The following CCSER1 variants were observed in gnomAD, a reference collection of about 807,000 sequenced individuals.
CCSER1 encodes the protein coiled-coil serine rich protein 1, also known as serine-rich coiled-coil domain-containing protein 1.
Under a neutral mutation model 82.0 loss-of-function variants are expected in CCSER1, and 41 were observed. The ratio of observed to expected loss-of-function variants is 0.50; its 90% CI spans 0.39 to 0.65. The LOEUF is 0.65. Among genes scored for constraint, CCSER1 ranks in the 30% least tolerant of loss-of-function variants. CCSER1 has a pLI of 0.00. For missense variants in CCSER1, 1,119 were observed against 1,064.2 expected, an observed-to-expected ratio of 1.05 and a Z score of -0.72; for synonymous variants, 414 against 383.9, an observed-to-expected ratio of 1.08 and a Z score of -0.92.
chr4:90,980,836 G>T (rs1169204954), intron 9 of CCSER1, among the ~76,000 whole-genome samples: 1 of 151,680 alleles, frequency 6.6e-6, no homozygotes, highest in Non-Finnish European at 1.5e-5. Flanking sequence ...TTGCCCCCAG[G>T]CTATATTAAG....
chr4:91,543,724 G>T (rs1041209527), intron 10 of CCSER1, among the ~76,000 whole-genome samples: 1 of 152,130 alleles, frequency 6.6e-6, no homozygotes, highest in Non-Finnish European at 1.5e-5. Context: ...CTCTCTGGCT[G>T]CCCTTAACAT....
At chr4:91,342,470 T>C (rs1035220111) in intron 10 of CCSER1, among the ~76,000 whole-genome samples, 1 of 152,196 alleles carries the variant, frequency 6.6e-6, no homozygotes, top group African/African-American at 2.4e-5. Flanking sequence ...CTACTCTTTT[T>C]ACCAAAGTGT....
At chr4:91,479,659 A>T (rs956530270) in intron 10 of CCSER1, among the ~76,000 whole-genome samples, 2 of 151,122 alleles carry the variant, frequency 1.3e-5, no homozygotes, top group African/African-American at 2.4e-5. Context: ...AAGAATTGGT[A>T]CAACATTTAT....
chr4:90,332,254 GT>G (rs553773315), intron 3 of CCSER1, among the ~76,000 whole-genome samples: 90 of 144,568 alleles, frequency 6.2e-4, no homozygotes, highest in Admixed American at 6.9e-4. Flanking sequence ...TTGAGATGGA[GT>G]TTTTTTTTTT....
intron 10 of CCSER1, among the ~76,000 whole-genome samples, chr4:91,354,923 G>A (rs768725411): frequency 5.3e-5 from 8 of 152,168 alleles, no homozygotes; most frequent in Non-Finnish European, 1.2e-4. Flanking sequence ...GTTCTGGAGA[G>A]CGTATTTGAA....
intron 5 of CCSER1, among the ~76,000 whole-genome samples, chr4:90,495,271 G>A (rs1578799272): frequency 1.3e-5 from 2 of 152,114 alleles, no homozygotes; most frequent in Non-Finnish European, 2.9e-5. Context: ...ACTTTGTGAA[G>A]CATGTTGTGA....
intron 6 of CCSER1, among the ~76,000 whole-genome samples, chr4:90,666,764 C>T (rs1270030736): frequency 6.6e-6 from 1 of 152,026 alleles, no homozygotes; most frequent in African/African-American, 2.4e-5. Flanking sequence ...AGAGTTCATA[C>T]TGTTGAGAAG....
intron 5 of CCSER1, among the ~76,000 whole-genome samples, chr4:90,478,235 A>C (rs1252404526): frequency 1.3e-5 from 2 of 152,194 alleles, no homozygotes; most frequent in African/African-American, 2.4e-5. Context: ...TGATTGATGG[A>C]AAAATCAAAG....
At chr4:90,527,511 A>G (rs1235319635) in intron 5 of CCSER1, among the ~76,000 whole-genome samples, 1 of 152,066 alleles carries the variant, frequency 6.6e-6, no homozygotes, top group Non-Finnish European at 1.5e-5. Context: ...TTCTTATTAC[A>G]TGTTAGATGA....
intron 10 of CCSER1, among the ~76,000 whole-genome samples, chr4:91,403,703 A>T (rs570338651): frequency 6.6e-6 from 1 of 152,140 alleles, no homozygotes; most frequent in South Asian, 2.1e-4. Flanking sequence ...ACATTTATTG[A>T]TTTGTGTATG....
chr4:90,935,494 C>T (rs1730818942), intron 9 of CCSER1, among the ~76,000 whole-genome samples: 1 of 152,100 alleles, frequency 6.6e-6, no homozygotes, highest in African/African-American at 2.4e-5. Context: ...AAATAAACTA[C>T]CCAGTCTCAG....
intron 9 of CCSER1, among the ~76,000 whole-genome samples, chr4:91,076,800 A>G (rs1206937168): frequency 1.3e-5 from 2 of 152,150 alleles, no homozygotes; most frequent in African/African-American, 2.4e-5. Flanking sequence ...GGAATTTCTG[A>G]CTGGAGGCAA....
chr4:90,905,358 C>CCA lies in CCSER1; in HGVS notation c.2095-17987_2095-17986dup, dbSNP rs3043030. On this transcript the variant is annotated intron_variant, in intron 8 of 10. Transcript: ENST00000509176. ...CCTTGCTCACTACGTTCTAGTCACA[C>CCA]CACACACACACACACACACACACAC... Among the ~76,000 whole-genome samples, 66 of 150,448 alleles carry CCA rather than the reference C, an allele frequency of 4.4e-4. 1 individual carries two copies. The highest frequency in any genetic ancestry group is 1.1e-3 in the South Asian group (5 of 4,744).
intron 10 of CCSER1, among the ~76,000 whole-genome samples, chr4:91,321,955 T>C (rs1370287112): frequency 5.9e-5 from 9 of 152,136 alleles, no homozygotes; most frequent in African/African-American, 2.2e-4. Flanking sequence ...AAAAATGGAA[T>C]TCACTAAGGA....
intron 4 of CCSER1, among the ~76,000 whole-genome samples, chr4:90,441,989 T>A (rs1421608553): frequency 2.0e-5 from 3 of 152,190 alleles, no homozygotes; most frequent in Admixed American, 2.0e-4. Flanking sequence ...GGCACACATT[T>A]CAGTCCTGTG....
At chr4:90,377,540 T>A (rs986159116) in intron 3 of CCSER1, among the ~76,000 whole-genome samples, 1 of 152,130 alleles carries the variant, frequency 6.6e-6, no homozygotes, top group Non-Finnish European at 1.5e-5. Flanking sequence ...AGAACAGTGG[T>A]CTCCAAGGAA....
At chr4:90,135,715 CT>C (rs1228449254) in intron 1 of CCSER1, among the ~76,000 whole-genome samples, 2 of 152,200 alleles carry the variant, frequency 1.3e-5, no homozygotes, top group Non-Finnish European at 2.9e-5. Context: ...TGAATGTAAC[CT>C]TTCCTTACCT....
chr4:90,147,384 T>G (rs1407548180), intron 1 of CCSER1, among the ~76,000 whole-genome samples: 1 of 152,190 alleles, frequency 6.6e-6, no homozygotes, highest in Non-Finnish European at 1.5e-5. Context: ...TTAATTTATA[T>G]AACTGCTTAT....
At chr4:90,955,414 A>C (rs1422659683) in intron 9 of CCSER1, among the ~76,000 whole-genome samples, 7 of 152,198 alleles carry the variant, frequency 4.6e-5, no homozygotes, top group Non-Finnish European at 1.0e-4. Context: ...AAATTGGACC[A>C]ATGAGTATAA....
Sources: allele counts gnomAD v4.1 joint callset (sites outside exome capture counted in the v4.1 genomes callset), GRCh38; gene constraint gnomAD v4.1.1; transcripts MANE v1.5; gene names NCBI Gene and HGNC (gene_info 2026-07-23, HGNC 2026-07-21).